The following SMCHD1 variants were observed in gnomAD, a reference collection of about 807,000 sequenced individuals.
SMCHD1 encodes structural maintenance of chromosomes flexible hinge domain containing 1.
In SMCHD1, 78 loss-of-function variants were observed where a neutral mutation model predicts 254.7. The ratio of observed to expected loss-of-function variants is 0.31; its 90% CI spans 0.26 to 0.37. SMCHD1 has a LOEUF of 0.37. Ranked by LOEUF, SMCHD1 falls within the 10% of genes least tolerant of loss-of-function variation. The probability of loss-of-function intolerance (pLI) is 1.00; values close to 1 mark genes in which losing one functional copy is unlikely to be tolerated. For missense variants in SMCHD1, 1,840 were observed against 2,408.1 expected, an observed-to-expected ratio of 0.76 and a Z score of 4.94; for synonymous variants, 766 against 794.9, an observed-to-expected ratio of 0.96 and a Z score of 0.61.
intron 37 of SMCHD1, among the ~76,000 whole-genome samples, chr18:2,768,610 G>C (rs2075912785): frequency 8.2e-6 from 1 of 121,794 alleles, no homozygotes; most frequent in Non-Finnish European, 1.9e-5. Context: ...GTATAGTATA[G>C]TGTACTATAT....
At position 2,762,096 on chromosome 18, in the gene SMCHD1, T is replaced by C. The variant is rs1191200007; in HGVS notation, c.4435-9T>C. The C allele has an allele frequency of 6.2e-7, 1 of 1,612,102 alleles. No individual in the cohort carries two copies. Among genetic ancestry groups the C allele is most frequent in the South Asian group, 1.1e-5 (1 of 90,932 alleles). ...ATTGTTAATCAGAATGTCTCTTTTG[T>C]TTTGTAAGGTTATAGTTGAAGTCCT... On this transcript the variant is annotated splice_polypyrimidine_tract_variant and intron_variant, in intron 35 of 47. Transcript: ENST00000320876.
intron 45 of SMCHD1, among the ~76,000 whole-genome samples, chr18:2,787,495 AG>A (rs1780577850): frequency 6.6e-6 from 1 of 151,656 alleles, no homozygotes; most frequent in Non-Finnish European, 1.5e-5. Flanking sequence ...TTATGACATC[AG>A]TGGACACATA....
chr18:2,727,504 T>C (rs1468668237), intron 22 of SMCHD1, among the ~76,000 whole-genome samples: 3 of 152,084 alleles, frequency 2.0e-5, no homozygotes, highest in Non-Finnish European at 4.4e-5. Flanking sequence ...AGTATGGATT[T>C]GAGTAGTACA....
At chr18:2,688,370 C>G in intron 5 of SMCHD1, 24 bp from the exon 6 acceptor site, 1 of 1,517,698 alleles carries the variant, frequency 6.6e-7, no homozygotes, top group Non-Finnish European at 9.1e-7. Flanking sequence ...TGTTTAAAAT[C>G]ACTGCATTAA....
intron 15 of SMCHD1, among the ~76,000 whole-genome samples, chr18:2,706,894 G>T (rs1433726157): frequency 6.6e-6 from 1 of 152,164 alleles, no homozygotes; most frequent in Admixed American, 6.5e-5. Context: ...GGCTGGGGAG[G>T]CCTCAGGAAA....
chr18:2,750,966 T>C (rs952302217), intron 32 of SMCHD1, among the ~76,000 whole-genome samples: 21 of 152,194 alleles, frequency 1.4e-4, no homozygotes, highest in Non-Finnish European at 2.6e-4. Context: ...GGGAATATTA[T>C]ATATATTGAT....
intron 7 of SMCHD1, 54 bp from the exon 8 acceptor site, chr18:2,694,473 G>T: frequency 1.5e-6 from 2 of 1,349,606 alleles, no homozygotes; most frequent in South Asian, 2.8e-5. Context: ...ATAGCTATTT[G>T]TATAATTATA....
At chr18:2,656,522 C>T (rs1354631549) in intron 1 of SMCHD1, among the ~76,000 whole-genome samples, 2 of 152,260 alleles carry the variant, frequency 1.3e-5, no homozygotes, top group African/African-American at 2.4e-5. Flanking sequence ...GGAGGCCTTG[C>T]CGGCCCGGGT....
At position 2,718,476 on chromosome 18, in the gene SMCHD1, G is replaced by T. The variant is rs201742470; in HGVS notation, c.2458+42G>T. The T allele has an allele frequency of 4.0e-6, 6 of 1,498,324 alleles. No individual in the cohort carries two copies. The highest frequency in any genetic ancestry group is 1.3e-5 in the South Asian group (1 of 77,762). The allele number at this position is 1,498,324 out of a possible 1,614,324, so 92.8% of individuals were successfully genotyped here. ...TATATAATTATATATGCTAAAGGTG[G>T]CATTTTAAATCCAAAGAGAAAAGAG... On this transcript the variant is annotated intron_variant, in intron 19 of 47. Transcript: ENST00000320876. The surrounding 1 kb of genome is among the most constrained non-coding windows in gnomAD (Gnocchi z 4.6).
rs778564162 is a variant in SMCHD1, at chr18:2,707,850, G to T, written c.2190G>T (p.Met730Ile). 1.2e-5 allele frequency: 20 copies of T among 1,609,104 alleles called. No homozygotes were observed. Among genetic ancestry groups the T allele is most frequent in the Non-Finnish European group, 1.6e-5 (19 of 1,177,902 alleles). The change falls in exon 17 of 48, where the codon ATG (methionine) becomes ATT (isoleucine). Residue 730 changes from methionine to isoleucine, a missense_variant. Met to Ile is a conservative substitution (Grantham distance 10). Transcript: ENST00000320876. ...IEILNKKGEA[M>I]QKLPGTSHGG... ...TACTGAATAAAAAAGGGGAAGCAAT[G>T]CAAAAGCTTCCAGGAACAAGCCATG...
chr18:2,715,468 T>C (rs2074776007), intron 17 of SMCHD1, among the ~76,000 whole-genome samples: 1 of 152,200 alleles, frequency 6.6e-6, no homozygotes, highest in Non-Finnish European at 1.5e-5. Flanking sequence ...CAAAAAACTA[T>C]GCCTTTGGTA....
At chr18:2,797,142 TTAA>T (rs745916778) in intron 47 of SMCHD1, among the ~76,000 whole-genome samples, 25 of 152,334 alleles carry the variant, frequency 1.6e-4, no homozygotes, top group Admixed American at 1.2e-3. Context: ...GATCAGTAAC[TTAA>T]TAAGTATAGA....
Position 2,674,029 on chromosome 18 carries a change from A to G in SMCHD1, c.522A>G (p.Thr174=), listed in dbSNP as rs370798030. The change falls in exon 5 of 48, where the codon ACA becomes ACG. Residue 174 remains threonine (T), a synonymous_variant. Coordinates refer to ENST00000320876, the MANE Select transcript of SMCHD1 (RefSeq NM_015295.3). ...TTGTTTCATAGCTTTTTGATGAAACACAAGGAAAACCTGCTGTTGCAGTGA... is the reference window on the plus strand; with the variant it reads ...TTGTTTCATAGCTTTTTGATGAAACGCAAGGAAAACCTGCTGTTGCAGTGA... ...RIQIKLLFDE[T]QGKPAVAVID... is the part of the protein sequence containing the mutation. 6.7e-5 allele frequency: 107 copies of G among 1,587,010 alleles called. No homozygotes were observed. Among genetic ancestry groups the G allele is most frequent in the Non-Finnish European group, 8.6e-6 (10 of 1,167,440 alleles).
At chr18:2,696,530 A>G (rs562059128) in intron 8 of SMCHD1, among the ~76,000 whole-genome samples, 51 of 152,326 alleles carry the variant, frequency 3.3e-4, no homozygotes, top group African/African-American at 1.2e-3. Flanking sequence ...CATCTCTGGA[A>G]AAATTGTCTT....
intron 45 of SMCHD1, among the ~76,000 whole-genome samples, chr18:2,791,642 T>G (rs576937920): frequency 1.3e-5 from 2 of 152,308 alleles, no homozygotes; most frequent in East Asian, 3.9e-4. Flanking sequence ...GAAATAGGAA[T>G]CAACCGAAGT....
At chr18:2,712,443 A>G (rs1382670140) in intron 17 of SMCHD1, among the ~76,000 whole-genome samples, 2 of 152,214 alleles carry the variant, frequency 1.3e-5, no homozygotes, top group African/African-American at 4.8e-5. Context: ...CATGGGTTTG[A>G]ACTGTGCAGG....
rs2075161791 is a variant in SMCHD1 at position 2,732,504 on chromosome 18, T to C, written c.3276+12T>C. On this transcript the variant is annotated intron_variant, in intron 25 of 47. Transcript: ENST00000320876. ...CAGAAAAAATTAAAGTAAGTATCTC[T>C]AACAGATTGGTTATTTGTAAGAACT... The C allele has an allele frequency of 2.7e-6, 4 of 1,507,954 alleles. No homozygotes were observed. The East Asian group carries it at 9.3e-5, about 35-fold the overall frequency. 93.4% of individuals were successfully genotyped at this position (1,507,954 alleles called of 1,614,324 possible). A position where few individuals can be genotyped will look rare whatever the true frequency, so the allele number is the denominator to read the frequency against.
In SMCHD1 at chr18:2,710,142, T is replaced by C. The variant is rs75082456; in HGVS notation, c.2260+2222T>C. Among the ~76,000 whole-genome samples the C allele has an allele frequency of 4.9e-3, 748 of 152,358 alleles. 8 individuals are homozygous for C. Among genetic ancestry groups the C allele is most frequent in the African/African-American group, 0.016 (686 of 41,578 alleles). On this transcript the variant is annotated intron_variant, in intron 17 of 47. Coordinates refer to ENST00000320876, the MANE Select transcript of SMCHD1 (RefSeq NM_015295.3). ...GATATCCAGTTTTTCCAGCACCATT[T>C]GTCAAAGACTATACTTTCTCTATTG...
At chr18:2,789,983 A>C (rs2143836052) in intron 45 of SMCHD1, among the ~76,000 whole-genome samples, 1 of 152,272 alleles carries the variant, frequency 6.6e-6, no homozygotes, top group South Asian at 2.1e-4. Context: ...GGAGATTGAG[A>C]CCAGCCTGGC....
Sources: gnomAD v4.1 joint callset for allele counts (sites outside exome capture counted in the v4.1 genomes callset) on GRCh38, gnomAD v4.1.1 for gene constraint, Gnocchi (gnomAD v3.1) non-coding constraint, MANE v1.5 for transcripts, NCBI Gene and HGNC (gene_info 2026-07-23, HGNC 2026-07-21) for gene names.